The following METTL15 variants were observed in gnomAD, a reference collection of about 807,000 sequenced individuals.
METTL15 encodes the protein 12S rRNA N(4)-cytidine methyltransferase METTL15.
METTL15 carries 34 observed loss-of-function variants against 38.3 expected under a neutral mutation model. The ratio of observed to expected loss-of-function variants is 0.89; its 90% CI spans 0.68 to 1.18. METTL15 has a LOEUF of 1.18. METTL15 is among the 50% of genes most tolerant of loss of function. The pLI is 0.00. For missense variants in METTL15, 438 were observed against 498.4 expected (o/e 0.88, Z 1.15); for synonymous variants, 162 against 170.9 (o/e 0.95, Z 0.41).
intron 5 of METTL15, among the ~76,000 whole-genome samples, chr11:28,377,883 C>T (rs1324107941): frequency 6.6e-6 from 1 of 151,844 alleles, no homozygotes; most frequent in African/African-American, 2.4e-5. Context: ...CAGACAGGAC[C>T]CTCAGCTGCA....
At chr11:28,385,171 G>C (rs1008105040) in intron 5 of METTL15, among the ~76,000 whole-genome samples, 1 of 152,118 alleles carries the variant, frequency 6.6e-6, no homozygotes, top group African/African-American at 2.4e-5. Context: ...GTCAATTTTT[G>C]CTTTTGTTGC....
At chr11:28,221,098 A>G (rs1381389471) in intron 4 of METTL15, among the ~76,000 whole-genome samples, 2 of 152,052 alleles carry the variant, frequency 1.3e-5, no homozygotes, top group African/African-American at 4.8e-5. Context: ...CTGCATTTGA[A>G]TGTTGGCCTA....
intron 5 of METTL15, among the ~76,000 whole-genome samples, chr11:28,419,993 T>A (rs975112346): frequency 1.3e-5 from 2 of 151,696 alleles, no homozygotes; most frequent in Non-Finnish European, 2.9e-5. Context: ...GAAAAAAGAA[T>A]AAAAGAGAAT....
At chr11:28,467,715 C>T (rs1296762706) in intron 6 of METTL15, among the ~76,000 whole-genome samples, 1 of 151,964 alleles carries the variant, frequency 6.6e-6, no homozygotes, top group Non-Finnish European at 1.5e-5. Flanking sequence ...AATGGTGAAA[C>T]AGATAAATTG....
intron 5 of METTL15, among the ~76,000 whole-genome samples, chr11:28,384,457 C>T (rs550011279): frequency 4.6e-5 from 7 of 152,000 alleles, no homozygotes; most frequent in African/African-American, 9.6e-5. Context: ...TACAGACATG[C>T]GTCATCATAC....
At chr11:28,244,148 G>A (rs1194530254) in intron 4 of METTL15, among the ~76,000 whole-genome samples, 1 of 152,124 alleles carries the variant, frequency 6.6e-6, no homozygotes, top group Non-Finnish European at 1.5e-5. Context: ...AAAAGCAAGG[G>A]AATTATTTGT....
intron 3 of METTL15, among the ~76,000 whole-genome samples, chr11:28,340,887 C>T (rs1564900776): frequency 1.3e-5 from 2 of 152,110 alleles, no homozygotes; most frequent in Non-Finnish European, 2.9e-5. Context: ...TTTATTGCAG[C>T]ACTATTCACA....
At chr11:28,455,706 T>C (rs1223452744) in intron 6 of METTL15, among the ~76,000 whole-genome samples, 4 of 152,198 alleles carry the variant, frequency 2.6e-5, no homozygotes, top group Non-Finnish European at 5.9e-5. Context: ...TTATTTATTT[T>C]ATTTTATTTT....
intron 4 of METTL15, among the ~76,000 whole-genome samples, chr11:28,229,224 A>G (rs1304720811): frequency 6.6e-6 from 1 of 151,980 alleles, no homozygotes; most frequent in Non-Finnish European, 1.5e-5. Flanking sequence ...TCATTATGCT[A>G]AGATTTTGGA....
At chr11:28,164,277 A>G (rs1423511511) in intron 3 of METTL15, 3 of 152,106 alleles carry the variant, frequency 2.0e-5, no homozygotes, top group African/African-American at 4.8e-5. Flanking sequence ...TAATGTGATC[A>G]TTCTCCTGGG....
chr11:28,111,007 G>C (rs1427942022), intron 2 of METTL15, among the ~76,000 whole-genome samples: 2 of 152,256 alleles, frequency 1.3e-5, no homozygotes, highest in Non-Finnish European at 2.9e-5. Flanking sequence ...CAAGTTGTCT[G>C]GTAGGAAACT....
chr11:28,301,424 G>A (rs1465465375), intron 6 of METTL15, among the ~76,000 whole-genome samples: 1 of 151,936 alleles, frequency 6.6e-6, no homozygotes, highest in Non-Finnish European at 1.5e-5. Flanking sequence ...GCATTCCCTT[G>A]TCTGGCACTT....
chr11:28,508,843 G>A (rs555877221), intron 6 of METTL15, among the ~76,000 whole-genome samples: 33 of 152,334 alleles, frequency 2.2e-4, no homozygotes, highest in Middle Eastern at 3.4e-3. Context: ...AACCAAAAAG[G>A]CAAGGGACAT....
intron 6 of METTL15, among the ~76,000 whole-genome samples, chr11:28,512,610 T>C (rs1194482610): frequency 6.6e-6 from 1 of 152,188 alleles, no homozygotes; most frequent in Non-Finnish European, 1.5e-5. Context: ...CTGGCAGGGC[T>C]GGCCGGCCAC....
At chr11:28,240,529 T>C (rs956333497) in intron 4 of METTL15, among the ~76,000 whole-genome samples, 1 of 152,192 alleles carries the variant, frequency 6.6e-6, no homozygotes, top group Admixed American at 6.5e-5. Flanking sequence ...ACGATTAAGA[T>C]TTCTATACCA....
chr11:28,268,288 C>T (rs944625053), intron 4 of METTL15, among the ~76,000 whole-genome samples: 13 of 145,752 alleles, frequency 8.9e-5, no homozygotes, highest in Non-Finnish European at 1.7e-4. Context: ...AATATTTTTA[C>T]ACAGAAATTG....
intron 3 of METTL15, among the ~76,000 whole-genome samples, chr11:28,116,848 T>C (rs994868874): frequency 6.6e-6 from 1 of 152,154 alleles, no homozygotes; most frequent in Non-Finnish European, 1.5e-5. Context: ...TAACTCACTG[T>C]AGTCTGGAAC....
At chr11:28,394,676 A>T (rs1850550185) in intron 5 of METTL15, among the ~76,000 whole-genome samples, 1 of 152,152 alleles carries the variant, frequency 6.6e-6, no homozygotes, top group Admixed American at 6.6e-5. Context: ...AGTTGTACAC[A>T]TAAAGATACT....
intron 4 of METTL15, among the ~76,000 whole-genome samples, chr11:28,245,933 T>C (rs539248911): frequency 6.6e-6 from 1 of 152,052 alleles, no homozygotes; most frequent in East Asian, 1.9e-4. Context: ...ACTAGACCAC[T>C]CCCCTTACAC....
Sources: gnomAD v4.1 joint callset for allele counts (sites outside exome capture counted in the v4.1 genomes callset) on GRCh38, gnomAD v4.1.1 for gene constraint, MANE v1.5 for transcripts, NCBI Gene and HGNC (gene_info 2026-07-23, HGNC 2026-07-21) for gene names.